Variants in USP42 observed in about 807,000 individuals in gnomAD.
USP42 encodes ubiquitin carboxyl-terminal hydrolase 42.
In USP42, 23 loss-of-function variants were observed where a neutral mutation model predicts 113.0. The observed-to-expected ratio is 0.20, with a 90% CI of 0.15 to 0.29. The LOEUF (loss-of-function observed/expected upper bound fraction) is 0.29. USP42 is among the 10% of genes least tolerant of loss of function. USP42 has a pLI of 1.00. For missense variants in USP42, 2,174 were observed against 1,779.8 expected, an observed-to-expected ratio of 1.22 and a Z score of -3.99; for synonymous variants, 933 against 699.0, an observed-to-expected ratio of 1.33 and a Z score of -5.28.
chr7:6,153,882 G>C lies in USP42; in HGVS notation c.2328G>C (p.Pro776=). Residue 776 remains proline (P), a synonymous_variant, in exon 15 of 18, where the codon CCG becomes CCC. Coordinates refer to ENST00000306177, the MANE Select transcript of USP42 (RefSeq NM_032172.3). ...AAGLSSTKKA[P]PPRDPGTPAT... Reference sequence around the variant, plus strand: ...GCCTCAGCAGCACCAAGAAGGCTCCGCCGCCCCGCGATCCCGGCACCCCCG... The same window carrying C: ...GCCTCAGCAGCACCAAGAAGGCTCCCCCGCCCCGCGATCCCGGCACCCCCG... 6.4e-7 allele frequency: 1 copy of C among 1,568,058 alleles called. No individual in the cohort carries two copies. Among genetic ancestry groups the C allele is most frequent in the Non-Finnish European group, 8.6e-7 (1 of 1,158,806 alleles).
chr7:6,086,580 C>T, the USP42 span, among the ~76,000 whole-genome samples: 10 of 150,868 alleles, frequency 6.6e-5, no homozygotes, highest in East Asian at 1.5e-3. Context: ...AAACTCCTGA[C>T]CTCAGGTGAT....
In USP42 at chr7:6,157,645, GATAGAA is replaced by G. The variant is rs1782536746; in HGVS notation, c.3943+594_3943+599del. Among the ~76,000 whole-genome samples the G allele has an allele frequency of 6.6e-6, 1 of 152,158 alleles. No individual in the cohort carries two copies. Among genetic ancestry groups the G allele is most frequent in the South Asian group, 2.1e-4 (1 of 4,828 alleles). ...GAACTCTTGGTTTTAAAGCATTTTT[GATAGAA>G]ATACTTTTGCAGCGTATACGTTACT... On this transcript the variant is annotated intron_variant, in intron 16 of 17. Transcript: ENST00000306177. The surrounding 1 kb of genome is among the most constrained non-coding windows in gnomAD (Gnocchi z 4.1).
Position 6,150,200 on chromosome 7 carries a change from C to T in USP42, c.2004C>T (p.Asp668=). The T allele has an allele frequency of 1.2e-5, 19 of 1,613,914 alleles. No homozygotes were observed. Among genetic ancestry groups the T allele is most frequent in the Non-Finnish European group, 1.6e-5 (19 of 1,179,894 alleles). Residue 668 remains aspartate, a synonymous_variant, in exon 13 of 18, where the codon GAC becomes GAT. Transcript: ENST00000306177. The stretch of plus-strand genomic sequence containing the variant: ...CTAATAGTGCAGACAGCGACAGTGA[C>T]CCGAAAGAAAACGGCCTAGCGCCTG... ...NGANSADSDS[D]PKENGLAPDG...
At chr7:6,110,667 A>AT (rs1355933982) in intron 1 of USP42, among the ~76,000 whole-genome samples, 12 of 152,218 alleles carry the variant, frequency 7.9e-5, no homozygotes, top group South Asian at 4.1e-4. Context: ...TTAAGTCTAG[A>AT]TTTTTTCTGT....
chr7:6,131,912 A>G (rs776564150), intron 3 of USP42, among the ~76,000 whole-genome samples: 4 of 152,074 alleles, frequency 2.6e-5, no homozygotes, highest in Non-Finnish European at 4.4e-5. Flanking sequence ...TGATATTCTC[A>G]TGGGGTGTAG....
At chr7:6,135,781 C>G in intron 3 of USP42, 60 bp from the exon 4 acceptor site, 2 of 961,196 alleles carry the variant, frequency 2.1e-6, no homozygotes, top group Non-Finnish European at 3.0e-6. Context: ...TTGTAATTAG[C>G]CTTGATGTGT....
chr7:6,099,851 T>C, the USP42 span, among the ~76,000 whole-genome samples: 1 of 150,532 alleles, frequency 6.6e-6, no homozygotes, highest in Non-Finnish European at 1.5e-5. Context: ...TAATCCCAGC[T>C]ACCTGGGAGG....
Position 6,154,089 on chromosome 7 carries a change from C to T in USP42, c.2535C>T (p.Asp845=), listed in dbSNP as rs760985670. The part of the protein sequence containing the change: ...AKGMIAEGPR[D]SALAEAPEGL... ...GGATGATCGCGGAGGGCCCGCGGGA[C>T]TCGGCGTTGGCGGAAGCCCCGGAAG... The change falls in exon 15 of 18, where the codon GAC becomes GAT. Residue 845 remains aspartate (D), a synonymous_variant. Transcript: ENST00000306177. The T allele has an allele frequency of 1.9e-6, 3 of 1,605,314 alleles. No homozygotes were observed. Among genetic ancestry groups the T allele is most frequent in the Non-Finnish European group, 2.5e-6 (3 of 1,178,900 alleles).
At chr7:6,126,131 C>A (rs542116285) in intron 3 of USP42, among the ~76,000 whole-genome samples, 31 of 152,156 alleles carry the variant, frequency 2.0e-4, no homozygotes, top group Non-Finnish European at 4.1e-4. Context: ...ATGATTTTGT[C>A]ATTTCAACAG....
Position 6,115,337 on chromosome 7 carries a change from A to G in USP42, c.256A>G (p.Ile86Val). The G allele has an allele frequency of 6.2e-7, 1 of 1,614,004 alleles. No homozygotes were observed. Among genetic ancestry groups the G allele is most frequent in the Non-Finnish European group, 8.5e-7 (1 of 1,179,898 alleles). The change falls in exon 3 of 18, where the codon ATC (isoleucine) becomes GTC (valine). Residue 86 changes from isoleucine to valine, a missense_variant. Ile to Val is a conservative substitution (Grantham distance 29). Transcript: ENST00000306177. The stretch of plus-strand genomic sequence containing the variant: ...TATTTTTCTAGCCCTAGGTGATGGC[A>G]TCGCTCCTCCACAGAAAGTTCTTTT... ...PQKDQALGDG[I>V]APPQKVLFPS...
intron 14 of USP42, among the ~76,000 whole-genome samples, chr7:6,152,633 C>G (rs1010444930): frequency 6.6e-6 from 1 of 152,184 alleles, no homozygotes; most frequent in African/African-American, 2.4e-5. Flanking sequence ...CACTCGCTCC[C>G]TCGGCCAGGG....
At chr7:6,126,277 C>T (rs1031226250) in intron 3 of USP42, among the ~76,000 whole-genome samples, 3 of 151,342 alleles carry the variant, frequency 2.0e-5, no homozygotes, top group Non-Finnish European at 2.9e-5. Context: ...GGTATGGATA[C>T]GCCACAGTTT....
Position 6,109,279 on chromosome 7 carries a change from G to A in USP42, c.-9-1846G>A, listed in dbSNP as rs80225118. 1.0e-3 allele frequency among the ~76,000 whole-genome samples: 157 copies of A among 152,282 alleles called. 3 individuals are homozygous for A. In the East Asian group the frequency reaches 0.029, roughly 28 times the overall value. On this transcript the variant is annotated intron_variant, in intron 1 of 17. Transcript: ENST00000306177. ...AACAAGACTTCAGCATGGTGGGAAC[G>A]TGACGGAGAGGGTGTTTGGCGAGGT...
intron 1 of USP42, among the ~76,000 whole-genome samples, chr7:6,107,834 T>C (rs977197478): frequency 2.0e-5 from 3 of 152,200 alleles, no homozygotes; most frequent in Non-Finnish European, 4.4e-5. Flanking sequence ...TTCTTCCTGA[T>C]TGAGGGTCAG....
intron 2 of USP42, among the ~76,000 whole-genome samples, chr7:6,113,823 G>T (rs1004104080): frequency 2.0e-5 from 3 of 152,002 alleles, no homozygotes; most frequent in Non-Finnish European, 4.4e-5. Context: ...GGGTTTCACT[G>T]TGTTAGCCTG....
chr7:6,147,940 G>A (rs1454329854), intron 12 of USP42, 48 bp downstream of exon 12: 1 of 1,541,402 alleles, frequency 6.5e-7, no homozygotes, highest in Admixed American at 1.9e-5. Flanking sequence ...TTTTTAAAAT[G>A]TAACTTCAAA....
intron 3 of USP42, among the ~76,000 whole-genome samples, chr7:6,119,156 C>T (rs970182986): frequency 9.9e-5 from 15 of 151,892 alleles, no homozygotes; most frequent in Non-Finnish European, 1.2e-4. Context: ...TTGAGGCTGC[C>T]GTGAGCTATG....
the USP42 span, among the ~76,000 whole-genome samples, chr7:6,095,906 G>A: frequency 4.8e-4 from 72 of 150,746 alleles, 5 homozygotes; most frequent in African/African-American, 1.7e-3. Flanking sequence ...GGGACCACAG[G>A]TGCCACCATA....
At chr7:6,145,352 A>G (rs1365327583) in intron 9 of USP42, among the ~76,000 whole-genome samples, 164 bp from the exon 10 acceptor site, 1 of 151,734 alleles carries the variant, frequency 6.6e-6, no homozygotes, top group South Asian at 2.1e-4. Context: ...AAAGATGGCT[A>G]AATGCACTAG....
Sources: gnomAD v4.1 joint callset for allele counts (sites outside exome capture counted in the v4.1 genomes callset) on GRCh38, gnomAD v4.1.1 for gene constraint, Gnocchi (gnomAD v3.1) non-coding constraint, MANE v1.5 for transcripts, NCBI Gene and HGNC (gene_info 2026-07-23, HGNC 2026-07-21) for gene names.